KIFBP: variants seen among roughly 807,000 people sequenced by gnomAD.
KIFBP encodes the protein kinesin family binding protein.
Under a neutral mutation model 58.9 loss-of-function variants are expected in KIFBP, and 46 were observed. The observed-to-expected ratio is 0.78, with a 90% CI of 0.62 to 1.00. The LOEUF is 1.00. KIFBP is among the 50% of genes least tolerant of loss of function. The pLI, the probability that KIFBP is intolerant of heterozygous loss-of-function variation, is 0.00. For missense variants in KIFBP, 651 were observed against 752.9 expected (o/e 0.86, Z 1.58); for synonymous variants, 241 against 283.4 (o/e 0.85, Z 1.50).
chr10:68,997,647 G>C (rs772506115), intron 1 of KIFBP, among the ~76,000 whole-genome samples: 1 of 151,700 alleles, frequency 6.6e-6, no homozygotes, highest in Non-Finnish European at 1.5e-5. Flanking sequence ...TAATAGAAAG[G>C]GCTCTGCCTT....
intron 5 of KIFBP, among the ~76,000 whole-genome samples, 194 bp downstream of exon 5, chr10:69,009,119 A>C (rs953903700): frequency 6.6e-6 from 1 of 152,210 alleles, no homozygotes; most frequent in African/African-American, 2.4e-5. Flanking sequence ...GGTTACATAC[A>C]TTAGGCTCTT....
In KIFBP at chr10:68,988,962, G is replaced by T; in HGVS notation, c.130G>T (p.Glu44Ter). 6.2e-7 allele frequency: 1 copy of T among 1,614,252 alleles called. No homozygotes were observed. Among genetic ancestry groups the T allele is most frequent in the Non-Finnish European group, 8.5e-7 (1 of 1,180,048 alleles). Residue 44 changes from glutamate (E) to a stop codon, truncating the protein, a stop_gained, in exon 1 of 7, where the codon GAA becomes TAA. Transcript: ENST00000361983. LOFTEE classifies it high-confidence loss of function. ...KSKYSARALL[E>*]EVKALLGPAP... Reference sequence around the variant, plus strand: ...CAAATACAGCGCCCGGGCGCTACTGGAAGAGGTCAAGGCGCTGCTCGGCCC... The same window carrying T: ...CAAATACAGCGCCCGGGCGCTACTGTAAGAGGTCAAGGCGCTGCTCGGCCC...
At chr10:69,002,673 T>C (rs2245893) in intron 2 of KIFBP, among the ~76,000 whole-genome samples, 12,079 of 147,118 alleles carry the variant, frequency 0.082, 662 homozygotes, top group Middle Eastern at 0.16. Context: ...ATTGCCTGAC[T>C]TAGAGGTTCA....
rs149809657 is a variant in KIFBP, at chr10:69,010,926, G to A, written c.901G>A (p.Glu301Lys). The A allele has an allele frequency of 2.7e-5, 44 of 1,613,964 alleles. No homozygotes were observed. The African/African-American group carries it at 5.5e-4, about 20-fold the overall frequency. ...TCCTGAAGCTGAAGGAGAAGTGCCA[G>A]AGCTTTATCATCAAAGAAAGGGGGA... is the stretch of plus-strand genomic sequence containing the variant. ...DTPEAEGEVP[E>K]LYHQRKGEIA... is the part of the protein sequence containing the mutation. The change falls in exon 6 of 7, where the codon GAG becomes AAG. Residue 301 changes from glutamate to lysine, a missense_variant. Transcript: ENST00000361983.
At chr10:69,009,999 C>T (rs1843574646) in intron 5 of KIFBP, among the ~76,000 whole-genome samples, 1 of 152,022 alleles carries the variant, frequency 6.6e-6, no homozygotes, top group East Asian at 1.9e-4. Context: ...AATATATTAA[C>T]TACATTAATT....
intron 1 of KIFBP, among the ~76,000 whole-genome samples, chr10:68,997,136 G>A (rs905386736): frequency 6.6e-6 from 1 of 152,128 alleles, no homozygotes; most frequent in African/African-American, 2.4e-5. Flanking sequence ...AGGTCATACT[G>A]ATAATGTTTT....
At chr10:68,995,547 T>G (rs1230980931) in intron 1 of KIFBP, among the ~76,000 whole-genome samples, 1 of 152,196 alleles carries the variant, frequency 6.6e-6, no homozygotes, top group East Asian at 1.9e-4. Context: ...ATTCACTAAA[T>G]TTTTGTTTAA....
chr10:69,015,887 T>A lies in KIFBP; in HGVS notation c.1337T>A (p.Met446Lys). The A allele has an allele frequency of 6.2e-7, 1 of 1,614,158 alleles. No individual in the cohort carries two copies. The highest frequency in any genetic ancestry group is 8.5e-7 in the Non-Finnish European group (1 of 1,180,034). Residue 446 changes from methionine to lysine, a missense_variant, in exon 7 of 7, where the codon ATG becomes AAG. Physicochemically the swap from Met to Lys is moderately conservative, Grantham distance 95. Transcript: ENST00000361983. ...ACTGACATGGAGAGACGGTGCAAGA[T>A]GCATAAACGCAGAATAGCCATGCTA... ...FETDMERRCK[M>K]HKRRIAMLEP...
rs759136524 is a variant in KIFBP, at chr10:68,989,284, C to T, written c.426+26C>T. 3.1e-6 allele frequency: 5 copies of T among 1,609,666 alleles called. No individual in the cohort carries two copies. In the African/African-American group the frequency reaches 4.0e-5, roughly 13 times the overall value. On this transcript the variant is annotated intron_variant, in intron 1 of 6. Coordinates refer to ENST00000361983, the MANE Select transcript of KIFBP (RefSeq NM_015634.4). ...GTGAGAGCGAGCCCGGCCAGGCCGG[C>T]CCCTGTTGGCAAATGGCGAGGGATG...
intron 6 of KIFBP, among the ~76,000 whole-genome samples, chr10:69,011,683 CTTTTTTT>C (rs34786287): frequency 4.2e-4 from 18 of 42,512 alleles, no homozygotes; most frequent in Non-Finnish European, 6.0e-4. Flanking sequence ...TGTGCCTAAT[CTTTTTTT>C]TTTTTTTTTT....
At chr10:68,992,675 C>CT in intron 1 of KIFBP, among the ~76,000 whole-genome samples, 1 of 152,134 alleles carries the variant, frequency 6.6e-6, no homozygotes, top group East Asian at 1.9e-4. Context: ...TGTTTATTTA[C>CT]TTTTTTTGAA....
chr10:69,004,042 A>C (rs12254391), intron 2 of KIFBP, among the ~76,000 whole-genome samples: 5,734 of 151,960 alleles, frequency 0.038, 353 homozygotes, highest in African/African-American at 0.13. Flanking sequence ...CAACATGGAG[A>C]AACCCCGTCT....
chr10:69,005,675 GAAA>G, intron 3 of KIFBP, 54 bp from the exon 4 acceptor site: 2 of 1,146,156 alleles, frequency 1.7e-6, no homozygotes, highest in Non-Finnish European at 1.2e-6. Context: ...TCTGTCTCAG[GAAA>G]AAAAAAAAAC....
chr10:68,995,978 T>C (rs1173228949), intron 1 of KIFBP, among the ~76,000 whole-genome samples: 1 of 151,620 alleles, frequency 6.6e-6, no homozygotes, highest in African/African-American at 2.4e-5. Flanking sequence ...GCCAACATGA[T>C]GAAACCCCAT....
chr10:68,989,041 G>A lies in KIFBP; in HGVS notation c.209G>A (p.Gly70Asp), dbSNP rs1393955776. ...GAGGCCGAGGACGGCCCGGGTGCCG[G>A]TGACCACGCCCTGGGGCTGCCGGCT... ...RPEAEDGPGA[G>D]DHALGLPAEV... Residue 70 changes from glycine to aspartate, a missense_variant, in exon 1 of 7, where the codon GGT becomes GAT. Transcript: ENST00000361983. The A allele has an allele frequency of 6.2e-7, 1 of 1,613,370 alleles. No homozygotes were observed. The highest frequency in any genetic ancestry group is 1.3e-5 in the African/African-American group (1 of 74,952).
intron 5 of KIFBP, among the ~76,000 whole-genome samples, chr10:69,010,537 G>C (rs1429561544): frequency 6.6e-6 from 1 of 152,170 alleles, no homozygotes; most frequent in African/African-American, 2.4e-5. Flanking sequence ...GTGTGACATA[G>C]ACGTTTTTGT....
intron 1 of KIFBP, among the ~76,000 whole-genome samples, chr10:68,997,107 C>G (rs1215368935): frequency 6.6e-6 from 1 of 152,118 alleles, no homozygotes; most frequent in East Asian, 1.9e-4. Context: ...CTTGATCAGT[C>G]CTCAGTATCC....
intron 3 of KIFBP, 106 bp downstream of exon 3, chr10:69,005,231 G>A: frequency 2.4e-6 from 2 of 821,730 alleles, no homozygotes; most frequent in Non-Finnish European, 4.1e-6. Flanking sequence ...ATTCTGACAG[G>A]AGTAAAACCT....
intron 1 of KIFBP, chr10:68,991,055 G>A (rs926021235): frequency 3.3e-5 from 5 of 152,234 alleles, no homozygotes; most frequent in African/African-American, 9.6e-5. Flanking sequence ...ATGATCACTC[G>A]AGCTTAGGAG....
Sources: gnomAD v4.1 joint callset for allele counts (sites outside exome capture counted in the v4.1 genomes callset) on GRCh38, gnomAD v4.1.1 for gene constraint, MANE v1.5 for transcripts, NCBI Gene and HGNC (gene_info 2026-07-23, HGNC 2026-07-21) for gene names.